TET1: variants seen among roughly 807,000 people sequenced by gnomAD.
TET1 encodes methylcytosine dioxygenase TET1.
Under a neutral mutation model 148.7 loss-of-function variants are expected in TET1, and 13 were observed. The ratio of observed to expected loss-of-function variants is 0.09; its 90% CI spans 0.06 to 0.14. TET1 has a LOEUF of 0.14. Ranked by LOEUF, TET1 falls within the 10% of genes least tolerant of loss-of-function variation. The pLI, the probability that TET1 is intolerant of heterozygous loss-of-function variation, is 1.00. For synonymous variants in TET1, 907 were observed against 937.2 expected, an observed-to-expected ratio of 0.97 and a Z score of 0.59; for missense variants, 2,182 against 2,553.8, an observed-to-expected ratio of 0.85 and a Z score of 3.14.
intron 3 of TET1, among the ~76,000 whole-genome samples, chr10:68,626,739 A>G (rs2054488574): frequency 1.3e-5 from 2 of 151,482 alleles, no homozygotes; most frequent in Non-Finnish European, 2.9e-5. Flanking sequence ...TTTGGTAGAG[A>G]CGGGGCTTCA....
intron 3 of TET1, among the ~76,000 whole-genome samples, chr10:68,610,751 G>A (rs1183812397): frequency 6.6e-6 from 1 of 151,988 alleles, no homozygotes; most frequent in Non-Finnish European, 1.5e-5. Flanking sequence ...TTGACCTCCT[G>A]GATCAATTGA....
In TET1 at chr10:68,573,573, T is replaced by C; in HGVS notation, c.1235T>C (p.Ile412Thr). The change falls in exon 2 of 12, where the codon ATT (isoleucine) becomes ACT (threonine). Residue 412 changes from isoleucine (I) to threonine (T), a missense_variant. Ile to Thr is a moderately conservative substitution (Grantham distance 89). This residue lies in a region of TET1 where 665 missense variants were observed against 672.4 expected (regional missense o/e 0.99). Coordinates refer to ENST00000373644, the MANE Select transcript of TET1 (RefSeq NM_030625.3). ...GTCCAAGGAGAGGTCTTTGGTACTA[T>C]TTTAGACCAACAAGAAACTCTTGGT... ...IPVQGEVFGT[I>T]LDQQETLGMS... is the part of the protein sequence containing the mutation. The C allele has an allele frequency of 6.2e-7, 1 of 1,614,192 alleles. No individual in the cohort carries two copies. Among genetic ancestry groups the C allele is most frequent in the Non-Finnish European group, 8.5e-7 (1 of 1,180,034 alleles).
intron 3 of TET1, among the ~76,000 whole-genome samples, chr10:68,619,337 C>G (rs1466159624): frequency 6.6e-6 from 1 of 152,120 alleles, no homozygotes; most frequent in Non-Finnish European, 1.5e-5. Flanking sequence ...TCAAGCGATC[C>G]TCCCACCTCA....
chr10:68,686,883 G>A (rs933773116), intron 11 of TET1, among the ~76,000 whole-genome samples, 176 bp downstream of exon 11: 2 of 151,450 alleles, frequency 1.3e-5, no homozygotes, highest in Non-Finnish European at 2.9e-5. Flanking sequence ...TAACTTTTTC[G>A]ACTTATCCTT....
chr10:68,580,445 A>T (rs2053781125), intron 2 of TET1, among the ~76,000 whole-genome samples: 2 of 143,328 alleles, frequency 1.4e-5, no homozygotes, highest in Non-Finnish European at 3.0e-5. Context: ...TCAGCCTCCC[A>T]GTAGCTGGTA....
In TET1 at chr10:68,574,146, G is replaced by C; in HGVS notation, c.1808G>C (p.Cys603Ser). ...GAACCCTGCCAGCAGAAGACCAACTGTGGTGAATGCACTTACTGCAAGAAC... is the reference window on the plus strand; with the variant it reads ...GAACCCTGCCAGCAGAAGACCAACTCTGGTGAATGCACTTACTGCAAGAAC... Reference protein sequence around the residue: ...VCEPCQQKTNCGECTYCKNRK... With the variant: ...VCEPCQQKTNSGECTYCKNRK... The change falls in exon 2 of 12, where the codon TGT becomes TCT. Residue 603 changes from cysteine to serine, a missense_variant. Around this residue, in one of 11 missense-constraint regions of TET1, gnomAD observed 226 missense variants for 307.4 expected, o/e 0.74. Transcript: ENST00000373644. 6.2e-7 allele frequency: 1 copy of C among 1,613,932 alleles called. No homozygotes were observed. Among genetic ancestry groups the C allele is most frequent in the Non-Finnish European group, 8.5e-7 (1 of 1,180,034 alleles).
intron 3 of TET1, among the ~76,000 whole-genome samples, chr10:68,638,816 A>AG (rs1320699211): frequency 7.9e-6 from 1 of 126,880 alleles, no homozygotes; most frequent in Non-Finnish European, 1.7e-5. Context: ...TGTGTGGTGG[A>AG]GGGGCTATAG....
chr10:68,586,016 A>T (rs2053856994), intron 2 of TET1, among the ~76,000 whole-genome samples: 1 of 151,630 alleles, frequency 6.6e-6, no homozygotes, highest in South Asian at 2.1e-4. Context: ...AAAAAAAAAA[A>T]AAAATTTTTT....
intron 4 of TET1, among the ~76,000 whole-genome samples, chr10:68,648,236 T>A (rs558959272): frequency 6.6e-6 from 1 of 152,304 alleles, no homozygotes; most frequent in East Asian, 1.9e-4. Context: ...TGGGTAAAGA[T>A]TCTCAGGCAG....
At chr10:68,660,642 T>A (rs2055094511) in intron 6 of TET1, among the ~76,000 whole-genome samples, 1 of 151,392 alleles carries the variant, frequency 6.6e-6, no homozygotes, top group Admixed American at 6.6e-5. Flanking sequence ...AATTTTTTTT[T>A]TTTTTTACTT....
chr10:68,564,205 G>C (rs2053583514), intron 1 of TET1, among the ~76,000 whole-genome samples: 1 of 151,164 alleles, frequency 6.6e-6, no homozygotes, highest in African/African-American at 2.4e-5. Flanking sequence ...CTGGAGTGTA[G>C]TGGTGTGATC....
chr10:68,654,602 G>A (rs1160929187), intron 6 of TET1, among the ~76,000 whole-genome samples: 1 of 152,134 alleles, frequency 6.6e-6, no homozygotes, highest in East Asian at 1.9e-4. Flanking sequence ...GGGAGACAGA[G>A]TGAGACTCCG....
chr10:68,682,058 T>C (rs2055441978), intron 9 of TET1, among the ~76,000 whole-genome samples: 1 of 146,804 alleles, frequency 6.8e-6, no homozygotes, highest in Non-Finnish European at 1.5e-5. Context: ...CTATCTAACA[T>C]ACATTTATGT....
intron 7 of TET1, among the ~76,000 whole-genome samples, chr10:68,672,473 G>A (rs72799545): frequency 0.11 from 11,703 of 104,824 alleles, 748 homozygotes; most frequent in South Asian, 0.2. Flanking sequence ...TGGTGACAGG[G>A]CTAGACCCCA....
At chr10:68,593,047 A>T (rs187182721) in intron 2 of TET1, among the ~76,000 whole-genome samples, 2 of 152,130 alleles carry the variant, frequency 1.3e-5, no homozygotes, top group Non-Finnish European at 2.9e-5. Context: ...CATCCTGGCC[A>T]ACATAGTGAA....
At chr10:68,564,693 C>T (rs1463586794) in intron 1 of TET1, among the ~76,000 whole-genome samples, 1 of 152,176 alleles carries the variant, frequency 6.6e-6, no homozygotes. Flanking sequence ...ATCTCTGCAG[C>T]ACTTTCACTG....
chr10:68,628,153 G>T (rs529999997), intron 3 of TET1, among the ~76,000 whole-genome samples: 1 of 152,112 alleles, frequency 6.6e-6, no homozygotes, highest in Non-Finnish European at 1.5e-5. Flanking sequence ...CGCCATGTTG[G>T]CCAGGCTGGT....
intron 8 of TET1, among the ~76,000 whole-genome samples, chr10:68,676,157 T>TTGTG (rs112413582): frequency 0.033 from 4,234 of 129,142 alleles, 85 homozygotes; most frequent in African/African-American, 0.052. Context: ...ACCTGGCCTT[T>TTGTG]TGTGTGTGTG....
rs185755380 is a variant in TET1 at position 68,692,126 on chromosome 10, G to C, written c.*312G>C. On this transcript the variant is annotated 3_prime_UTR_variant, in exon 12 of 12. Transcript: ENST00000373644. ...GCTTTAAATTAAGTCTGTTTACTAT[G>C]AAACAAGAGTCATTTTTAGAGGATT... The C allele has an allele frequency of 5.4e-4, 173 of 323,098 alleles. 5 individuals are homozygous for C. In the East Asian group the frequency reaches 7.0e-3, roughly 13 times the overall value. 20.0% of individuals were successfully genotyped at this position (323,098 alleles called of 1,614,324 possible). A position where few individuals can be genotyped will look rare whatever the true frequency, so the allele number is the denominator to read the frequency against.
Sources: gnomAD v4.1 joint callset for allele counts (sites outside exome capture counted in the v4.1 genomes callset) on GRCh38, gnomAD v4.1.1 for gene constraint, gnomAD v4.1.1 regional missense constraint, MANE v1.5 for transcripts, NCBI Gene and HGNC (gene_info 2026-07-23, HGNC 2026-07-21) for gene names.